The following SMS variants were observed in gnomAD, a reference collection of about 807,000 sequenced individuals.
SMS encodes the protein spermidine aminopropyltransferase.
SMS carries 3 observed loss-of-function variants against 33.0 expected under a neutral mutation model. That is an observed-to-expected ratio of 0.09 (90% CI 0.04 to 0.23). The LOEUF (loss-of-function observed/expected upper bound fraction) is 0.23, where lower values mean the gene tolerates loss of function less well. Ranked by LOEUF, SMS falls within the 10% of genes least tolerant of loss-of-function variation. SMS has a pLI of 1.00. For synonymous variants in SMS, 103 were observed against 112.2 expected (o/e 0.92, Z 0.52); for missense variants, 117 against 288.6 (o/e 0.41, Z 4.31).
intron 1 of SMS, among the ~76,000 whole-genome samples, chrX:21,945,364 A>G (rs960299483): frequency 2.7e-5 from 3 of 111,843 alleles, no homozygotes; most frequent in African/African-American, 9.8e-5. Context: ...CCATTGCTAT[A>G]TGATTTGTGC....
chrX:21,973,230 G>T (rs1162665490), intron 4 of SMS, among the ~76,000 whole-genome samples: 2 of 112,566 alleles, frequency 1.8e-5, no homozygotes, highest in African/African-American at 6.5e-5. Context: ...CCTGACTTCA[G>T]TTCGAGACCA....
chrX:21,980,283 G>A lies in SMS; in HGVS notation c.750+1317G>A, dbSNP rs576284419. Among the ~76,000 whole-genome samples the A allele has an allele frequency of 1.6e-4, 17 of 107,901 alleles. No homozygotes were observed. In the South Asian group the frequency reaches 6.0e-3, roughly 38 times the overall value. 93.7% of individuals were successfully genotyped at this position (107,901 alleles called of 115,157 possible). Reference sequence around the variant, plus strand: ...CCATGTAAAATTAGCCAGGTGTGGCGGCGTGTGCCTGTAATTCCAGCTACA... The same window carrying A: ...CCATGTAAAATTAGCCAGGTGTGGCAGCGTGTGCCTGTAATTCCAGCTACA... On this transcript the variant is annotated intron_variant, in intron 7 of 10. Coordinates refer to ENST00000404933, the MANE Select transcript of SMS (RefSeq NM_004595.5).
Position 21,967,374 on chromosome X carries a change from C to CA in SMS, c.170+59dup, listed in dbSNP as rs1196747337. On this transcript the variant is annotated intron_variant, in intron 2 of 10. Coordinates refer to ENST00000404933, the MANE Select transcript of SMS (RefSeq NM_004595.5). ...GGTCACTTATGAGCAGAGAGGGTGACAGAGTGGAGGATGGGGGTGGCATCC... is the reference window on the plus strand; with the variant it reads ...GGTCACTTATGAGCAGAGAGGGTGACAAGAGTGGAGGATGGGGGTGGCATCC... 17 of 1,162,267 alleles carry CA rather than the reference C, an allele frequency of 1.5e-5. No individual in the cohort carries two copies. In the East Asian group the frequency reaches 4.5e-4, roughly 31 times the overall value.
intron 1 of SMS, among the ~76,000 whole-genome samples, chrX:21,950,509 A>G (rs1448879572): frequency 9.6e-6 from 1 of 104,372 alleles, no homozygotes; most frequent in East Asian, 3.0e-4. Context: ...ATAGGTATAC[A>G]TGTGCCATCG....
intron 9 of SMS, 64 bp downstream of exon 9, chrX:21,985,287 T>C (rs756174929): frequency 1.5e-6 from 1 of 662,733 alleles, no homozygotes; most frequent in Non-Finnish European, 2.5e-6. Flanking sequence ...GAAATCTGAA[T>C]GCACATTTTT....
At chrX:21,962,452 T>A (rs1354902487) in intron 1 of SMS, among the ~76,000 whole-genome samples, 1 of 111,886 alleles carries the variant, frequency 8.9e-6, no homozygotes, top group Non-Finnish European at 1.9e-5. Flanking sequence ...TTTGGTGAGT[T>A]GAGTATAACT....
chrX:21,943,839 G>T (rs927296012), intron 1 of SMS, among the ~76,000 whole-genome samples: 10 of 111,530 alleles, frequency 9.0e-5, no homozygotes, highest in African/African-American at 2.9e-4. Flanking sequence ...TTTTAGTAAG[G>T]GGAACTTGGT....
Sources: allele counts gnomAD v4.1 joint callset (sites outside exome capture counted in the v4.1 genomes callset), GRCh38; gene constraint gnomAD v4.1.1; transcripts MANE v1.5; gene names NCBI Gene and HGNC (gene_info 2026-07-23, HGNC 2026-07-21).